Variants in IQGAP2 observed in about 807,000 individuals in gnomAD.
IQGAP2 encodes the protein IQ motif containing GTPase activating protein 2.
Under a neutral mutation model 201.3 loss-of-function variants are expected in IQGAP2, and 173 were observed. That is an observed-to-expected ratio of 0.86 (90% CI 0.76 to 0.98). The LOEUF (loss-of-function observed/expected upper bound fraction) is 0.98. IQGAP2 is among the 50% of genes least tolerant of loss of function. The pLI is 0.00. For missense variants in IQGAP2, 1,687 were observed against 1,864.8 expected, an observed-to-expected ratio of 0.90 and a Z score of 1.76; for synonymous variants, 675 against 673.9, an observed-to-expected ratio of 1.00 and a Z score of -0.03.
intron 2 of IQGAP2, among the ~76,000 whole-genome samples, chr5:76,472,187 T>A (rs72775779): frequency 0.5 from 76,414 of 151,640 alleles, 19,931 homozygotes; most frequent in Non-Finnish European, 0.54. Flanking sequence ...CCAGCGAGGC[T>A]GAGATCAGGG....
At chr5:76,487,129 T>C (rs1464670225) in intron 2 of IQGAP2, among the ~76,000 whole-genome samples, 4 of 151,212 alleles carry the variant, frequency 2.6e-5, no homozygotes, top group Non-Finnish European at 5.9e-5. Context: ...GATGGAGGCT[T>C]GCTCTGTCAC....
chr5:76,617,732 A>G (rs749148952), intron 13 of IQGAP2: 2 of 1,614,078 alleles, frequency 1.2e-6, no homozygotes, highest in East Asian at 2.2e-5. Context: ...AGTAGTTAGC[A>G]TGGTGAATAA....
At position 76,575,723 on chromosome 5, in the gene IQGAP2, G is replaced by T; in HGVS notation, c.412G>T (p.Asp138Tyr). 6.3e-7 allele frequency: 1 copy of T among 1,594,042 alleles called. No individual in the cohort carries two copies. The highest frequency in any genetic ancestry group is 1.1e-5 in the South Asian group (1 of 87,640). Residue 138 changes from aspartate (D) to tyrosine (Y), a missense_variant, in exon 5 of 36, where the codon GAT becomes TAT. Coordinates refer to ENST00000274364, the MANE Select transcript of IQGAP2 (RefSeq NM_006633.5). ...IFYPETTDVYDRKNIPRMIYC... is the reference protein window; with the variant it reads ...IFYPETTDVYYRKNIPRMIYC... ...TTATCCAGAAACAACAGATGTCTATGATCGGAAAAACATACCAAGAATGAT... is the reference window on the plus strand; with the variant it reads ...TTATCCAGAAACAACAGATGTCTATTATCGGAAAAACATACCAAGAATGAT...
chr5:76,428,395 A>C (rs1052957211), intron 1 of IQGAP2, among the ~76,000 whole-genome samples: 2 of 150,844 alleles, frequency 1.3e-5, no homozygotes, highest in African/African-American at 4.9e-5. Context: ...GAGCCCAGGA[A>C]CCCACTGTTC....
chr5:76,521,975 A>C (rs1370403159), intron 2 of IQGAP2, among the ~76,000 whole-genome samples: 2 of 152,082 alleles, frequency 1.3e-5, no homozygotes, highest in African/African-American at 4.8e-5. Flanking sequence ...AACCAACAGA[A>C]TCTCTATAAA....
intron 3 of IQGAP2, among the ~76,000 whole-genome samples, chr5:76,568,875 A>T (rs909879036): frequency 2.6e-5 from 4 of 152,176 alleles, no homozygotes; most frequent in African/African-American, 9.6e-5. Context: ...GGGGGACATT[A>T]TTTATTTTGT....
At chr5:76,656,326 C>T (rs139852512) in intron 20 of IQGAP2, among the ~76,000 whole-genome samples, 166 of 152,100 alleles carry the variant, frequency 1.1e-3, no homozygotes, top group African/African-American at 3.7e-3. Context: ...GGACTACAGG[C>T]GCCCACCACC....
intron 5 of IQGAP2, among the ~76,000 whole-genome samples, chr5:76,586,617 G>A (rs1561485853): frequency 6.6e-6 from 1 of 152,198 alleles, no homozygotes; most frequent in Non-Finnish European, 1.5e-5. Context: ...TGGTGATAAG[G>A]GGACAAAGAA....
In IQGAP2 at chr5:76,575,774, G is replaced by T; in HGVS notation, c.458+5G>T. 6.5e-7 allele frequency: 1 copy of T among 1,531,940 alleles called. No homozygotes were observed. Among genetic ancestry groups the T allele is most frequent in the South Asian group, 1.3e-5 (1 of 79,036 alleles). The allele number at this position is 1,531,940 out of a possible 1,614,324, so 94.9% of individuals were successfully genotyped here. ...ATATTGCATTCACGCACTGAGGTAG[G>T]GGGAAAATGCAGCTAAAAGGTGCTC... On this transcript the variant is annotated splice_donor_5th_base_variant and intron_variant, in intron 5 of 35. Coordinates refer to ENST00000274364, the MANE Select transcript of IQGAP2 (RefSeq NM_006633.5).
Position 76,677,251 on chromosome 5 carries a change from G to A in IQGAP2, c.3561G>A (p.Glu1187=). The A allele has an allele frequency of 6.2e-7, 1 of 1,613,644 alleles. No homozygotes were observed. Among genetic ancestry groups the A allele is most frequent in the South Asian group, 1.1e-5 (1 of 91,044 alleles). ...KYFKEACNVP[E]PEEKFNMDKY... is the part of the protein sequence containing the mutation. Reference sequence around the variant, plus strand: ...TCAAAGAAGCATGTAATGTCCCTGAGCCAGAAGAGAAGTTTAATATGGACA... The same window carrying A: ...TCAAAGAAGCATGTAATGTCCCTGAACCAGAAGAGAAGTTTAATATGGACA... The change falls in exon 28 of 36, where the codon GAG becomes GAA. Residue 1187 remains glutamate, a synonymous_variant. Transcript: ENST00000274364.
At chr5:76,603,247 C>T (rs1373771560) in intron 11 of IQGAP2, among the ~76,000 whole-genome samples, 1 of 152,192 alleles carries the variant, frequency 6.6e-6, no homozygotes, top group East Asian at 1.9e-4. Flanking sequence ...AGTATTGGAG[C>T]TTCTGAGCCC....
chr5:76,636,995 A>G, intron 15 of IQGAP2, 39 bp from the exon 16 acceptor site: 1 of 1,517,186 alleles, frequency 6.6e-7, no homozygotes, highest in Non-Finnish European at 8.9e-7. Flanking sequence ...TTAAGGGTTC[A>G]CTGTGTCTGT....
At chr5:76,701,054 T>A (rs533001694) in intron 33 of IQGAP2, 22 bp from the exon 34 acceptor site, 3 of 1,612,756 alleles carry the variant, frequency 1.9e-6, no homozygotes, top group African/African-American at 2.7e-5. Flanking sequence ...TAACAACAAA[T>A]GTTCTGTTCT....
At chr5:76,409,057 T>C (rs1201632572) in intron 1 of IQGAP2, among the ~76,000 whole-genome samples, 4 of 151,822 alleles carry the variant, frequency 2.6e-5, no homozygotes, top group Admixed American at 2.0e-4. Flanking sequence ...CCTCCCAAAG[T>C]GCTAGGATTA....
At chr5:76,620,685 G>T (rs948738978) in intron 13 of IQGAP2, among the ~76,000 whole-genome samples, 2 of 152,132 alleles carry the variant, frequency 1.3e-5, no homozygotes, top group Non-Finnish European at 2.9e-5. Context: ...GGTTGAGATG[G>T]CCTAGGGGGA....
intron 1 of IQGAP2, among the ~76,000 whole-genome samples, chr5:76,441,335 A>T (rs1439482883): frequency 6.6e-6 from 1 of 152,196 alleles, no homozygotes; most frequent in East Asian, 1.9e-4. Flanking sequence ...GTGTAATCAC[A>T]TTCATCTATA....
chr5:76,554,010 T>G (rs965986910), intron 2 of IQGAP2, among the ~76,000 whole-genome samples: 4 of 152,188 alleles, frequency 2.6e-5, no homozygotes, highest in Admixed American at 6.5e-5. Context: ...ACATAAGTCA[T>G]AGACATATAG....
At chr5:76,540,532 G>A (rs1305365561) in intron 2 of IQGAP2, among the ~76,000 whole-genome samples, 3 of 152,188 alleles carry the variant, frequency 2.0e-5, no homozygotes, top group African/African-American at 7.2e-5. Context: ...AGAGTTGCTG[G>A]AAGCCAACAA....
At chr5:76,478,315 C>T (rs1368700295) in intron 2 of IQGAP2, among the ~76,000 whole-genome samples, 1 of 152,110 alleles carries the variant, frequency 6.6e-6, no homozygotes, top group African/African-American at 2.4e-5. Flanking sequence ...GAAGGAGAAT[C>T]ACTTGAACCC....
Sources: allele counts gnomAD v4.1 joint callset (sites outside exome capture counted in the v4.1 genomes callset), GRCh38; gene constraint gnomAD v4.1.1; transcripts MANE v1.5; gene names NCBI Gene and HGNC (gene_info 2026-07-23, HGNC 2026-07-21).